SHISA9: variants seen among roughly 807,000 people sequenced by gnomAD.
The protein encoded by SHISA9 is protein shisa-9.
Under a neutral mutation model 38.0 loss-of-function variants are expected in SHISA9, and 13 were observed. The ratio of observed to expected loss-of-function variants is 0.34; its 90% confidence interval spans 0.22 to 0.54. The LOEUF is 0.54. SHISA9 is among the 20% of genes least tolerant of loss of function. The pLI is 0.91. For synonymous variants in SHISA9, 275 were observed against 242.0 expected, an observed-to-expected ratio of 1.14 and a Z score of -1.27; for missense variants, 538 against 575.8, an observed-to-expected ratio of 0.93 and a Z score of 0.67.
rs1365008470 is a variant in SHISA9, at chr16:13,239,284, C to T, written c.*3875C>T. The stretch of plus-strand genomic sequence containing the variant: ...CAAGTCTTTGCTATTGTGAATAGTG[C>T]CGCAATAAACATACGTGTGCATGTG... On this transcript the variant is annotated 3_prime_UTR_variant, in exon 5 of 5. Coordinates refer to ENST00000558583, the MANE Select transcript of SHISA9 (RefSeq NM_001145204.3). 1 of 151,626 alleles carries T rather than the reference C, an allele frequency of 6.6e-6. No individual in the cohort carries two copies. Among genetic ancestry groups the T allele is most frequent in the African/African-American group, 2.4e-5 (1 of 41,216 alleles). 9.4% of individuals were successfully genotyped at this position (151,626 alleles called of 1,614,324 possible). A position where few individuals can be genotyped will look rare whatever the true frequency, so the allele number is the denominator to read the frequency against.
chr16:13,448,593 T>G, the SHISA9 span, among the ~76,000 whole-genome samples: 1 of 152,264 alleles, frequency 6.6e-6, no homozygotes, highest in African/African-American at 2.4e-5. Flanking sequence ...AGAGCCTACA[T>G]GTTCCTGATA....
At chr16:12,968,016 C>G (rs1422524184) in intron 2 of SHISA9, among the ~76,000 whole-genome samples, 1 of 151,750 alleles carries the variant, frequency 6.6e-6, no homozygotes. Flanking sequence ...ATGGTGAAAC[C>G]TCATCTCTAC....
chr16:13,009,851 G>A (rs1391893941), intron 2 of SHISA9, among the ~76,000 whole-genome samples: 1 of 152,160 alleles, frequency 6.6e-6, no homozygotes, highest in African/African-American at 2.4e-5. Flanking sequence ...GGTGGGAGTG[G>A]GGGCTTGGCA....
chr16:13,396,057 T>C, the SHISA9 span, among the ~76,000 whole-genome samples: 1 of 152,228 alleles, frequency 6.6e-6, no homozygotes, highest in Non-Finnish European at 1.5e-5. Flanking sequence ...CTTTTCATCT[T>C]CTGTGATCAA....
the SHISA9 span, among the ~76,000 whole-genome samples, chr16:13,266,633 A>G: frequency 6.6e-6 from 1 of 152,188 alleles, no homozygotes; most frequent in Non-Finnish European, 1.5e-5. Flanking sequence ...AACGAAGAAG[A>G]AAAAAACACA....
chr16:13,295,475 G>A, the SHISA9 span, among the ~76,000 whole-genome samples: 1 of 152,148 alleles, frequency 6.6e-6, no homozygotes, highest in Admixed American at 6.5e-5. Flanking sequence ...CAGTTCTCCT[G>A]CCCTGGCATC....
the SHISA9 span, among the ~76,000 whole-genome samples, chr16:13,257,625 G>A: frequency 5.9e-5 from 9 of 152,120 alleles, no homozygotes; most frequent in African/African-American, 2.2e-4. Flanking sequence ...GTCCACTTCT[G>A]CCAGTTTAAA....
intron 2 of SHISA9, among the ~76,000 whole-genome samples, chr16:13,041,872 G>A (rs563298835): frequency 6.6e-6 from 1 of 152,312 alleles, no homozygotes; most frequent in East Asian, 1.9e-4. Context: ...GGATTCTGAT[G>A]TAGCTCCAGG....
chr16:13,466,992 A>C, the SHISA9 span, among the ~76,000 whole-genome samples: 2 of 152,332 alleles, frequency 1.3e-5, no homozygotes, highest in South Asian at 4.1e-4. Context: ...CTTAAGTGGA[A>C]TTATGACCTT....
chr16:13,328,149 G>T, the SHISA9 span, among the ~76,000 whole-genome samples: 2 of 151,982 alleles, frequency 1.3e-5, no homozygotes, highest in Non-Finnish European at 2.9e-5. Flanking sequence ...ACTCGGCCTC[G>T]AGCAGGGGCC....
chr16:13,044,814 C>A (rs1344794353), intron 2 of SHISA9, among the ~76,000 whole-genome samples: 1 of 152,204 alleles, frequency 6.6e-6, no homozygotes, highest in Non-Finnish European at 1.5e-5. Context: ...GCTAAGTGAT[C>A]ACTTAAAGCC....
At chr16:13,441,230 C>T in the SHISA9 span, among the ~76,000 whole-genome samples, 1 of 152,268 alleles carries the variant, frequency 6.6e-6, no homozygotes, top group Admixed American at 6.5e-5. Context: ...AACAATATGG[C>T]ATCCTTCTAA....
the SHISA9 span, among the ~76,000 whole-genome samples, chr16:13,262,468 G>C: frequency 1.2e-4 from 18 of 152,172 alleles, no homozygotes; most frequent in Non-Finnish European, 1.5e-5. Context: ...GGCTTATCAG[G>C]TTGTATCACA....
chr16:13,521,509 G>T, the SHISA9 span, among the ~76,000 whole-genome samples: 1 of 152,200 alleles, frequency 6.6e-6, no homozygotes, highest in South Asian at 2.1e-4. Flanking sequence ...CTTTAGGTCA[G>T]TGGTTCTCCA....
intron 2 of SHISA9, among the ~76,000 whole-genome samples, chr16:13,157,911 G>A (rs1467332144): frequency 6.6e-6 from 1 of 152,164 alleles, no homozygotes; most frequent in Non-Finnish European, 1.5e-5. Context: ...AGCTCCATTT[G>A]TTTGTTTTCA....
the SHISA9 span, among the ~76,000 whole-genome samples, chr16:13,506,628 C>G: frequency 6.6e-6 from 1 of 151,986 alleles, no homozygotes; most frequent in African/African-American, 2.4e-5. Flanking sequence ...CATGTTTAAG[C>G]AAAAACAAAG....
chr16:13,527,119 C>T, the SHISA9 span, among the ~76,000 whole-genome samples: 7 of 152,206 alleles, frequency 4.6e-5, no homozygotes, highest in East Asian at 1.4e-3. Flanking sequence ...TATAACCTGC[C>T]CCAGGTTATA....
the SHISA9 span, among the ~76,000 whole-genome samples, chr16:13,459,111 C>T: frequency 6.6e-6 from 1 of 152,052 alleles, no homozygotes; most frequent in Non-Finnish European, 1.5e-5. Flanking sequence ...ACCTCGGCCT[C>T]CCAGAGTGCT....
At chr16:12,936,705 A>G (rs1268414728) in intron 2 of SHISA9, among the ~76,000 whole-genome samples, 2 of 152,220 alleles carry the variant, frequency 1.3e-5, no homozygotes, top group Non-Finnish European at 2.9e-5. Flanking sequence ...GTGCTGAACC[A>G]GAGAAACAGC....
Sources: gnomAD v4.1 joint callset for allele counts (sites outside exome capture counted in the v4.1 genomes callset) on GRCh38, gnomAD v4.1.1 for gene constraint, MANE v1.5 for transcripts, NCBI Gene and HGNC (gene_info 2026-07-23, HGNC 2026-07-21) for gene names.